Variants in RFX7 observed in about 807,000 individuals in gnomAD.
The protein encoded by RFX7 is regulatory factor X7.
Under a neutral mutation model 111.8 loss-of-function variants are expected in RFX7, and 26 were observed. That is an observed-to-expected ratio of 0.23 (90% confidence interval 0.17 to 0.32). The LOEUF (loss-of-function observed/expected upper bound fraction) is 0.32. RFX7 is among the 10% of genes least tolerant of loss of function. RFX7 has a pLI of 1.00. For synonymous variants in RFX7, 624 were observed against 624.4 expected (o/e 1.00, Z 0.01); for missense variants, 1,573 against 1,772.9 (o/e 0.89, Z 2.02).
intron 9 of RFX7, among the ~76,000 whole-genome samples, chr15:56,097,524 G>A (rs543064544): frequency 2.0e-5 from 3 of 152,102 alleles, no homozygotes; most frequent in Non-Finnish European, 4.4e-5. Flanking sequence ...AGGCCAAGGC[G>A]GGTGGATCAC....
At chr15:56,233,587 C>A (rs1323118967) in intron 2 of RFX7, among the ~76,000 whole-genome samples, 2 of 152,136 alleles carry the variant, frequency 1.3e-5, no homozygotes, top group African/African-American at 2.4e-5. Flanking sequence ...GAAACCAATG[C>A]TGCCAGACTG....
At chr15:56,109,966 G>T in intron 5 of RFX7, among the ~76,000 whole-genome samples, 1 of 145,326 alleles carries the variant, frequency 6.9e-6, no homozygotes. Flanking sequence ...AGGGAGGTGG[G>T]GGGATCAGCC....
chr15:56,097,478 T>G (rs1014945584), intron 9 of RFX7, among the ~76,000 whole-genome samples: 5 of 152,060 alleles, frequency 3.3e-5, no homozygotes, highest in South Asian at 2.1e-4. Flanking sequence ...CTTGGCTGGG[T>G]GGGGTGGCTC....
At chr15:56,119,808 C>T (rs1017838990) in intron 5 of RFX7, among the ~76,000 whole-genome samples, 3 of 149,014 alleles carry the variant, frequency 2.0e-5, no homozygotes, top group Admixed American at 1.3e-4. Flanking sequence ...AGAAAGAAAA[C>T]GAGTTCACTG....
chr15:56,196,785 C>T (rs1171370711), intron 2 of RFX7, among the ~76,000 whole-genome samples: 1 of 152,120 alleles, frequency 6.6e-6, no homozygotes, highest in African/African-American at 2.4e-5. Context: ...TATTCCATTG[C>T]TTTATTTATT....
At position 56,092,115 on chromosome 15, in the gene RFX7, T is replaced by G. The variant is rs1449441318; in HGVS notation, c.*1230A>C. 6.6e-6 allele frequency: 1 copy of G among 152,524 alleles called. No individual in the cohort carries two copies. Among genetic ancestry groups the G allele is most frequent in the Non-Finnish European group, 1.5e-5 (1 of 67,970 alleles). 9.4% of individuals were successfully genotyped at this position (152,524 alleles called of 1,614,324 possible). On this transcript the variant is annotated 3_prime_UTR_variant, in exon 10 of 10. Transcript: ENST00000559447. ...AATGGGAGCCATAGAGAGAAACATT[T>G]TAAAACAAATCCTGAGTTCTTCTTT...
At chr15:56,180,642 A>G (rs1326624272) in intron 2 of RFX7, among the ~76,000 whole-genome samples, 1 of 151,518 alleles carries the variant, frequency 6.6e-6, no homozygotes, top group Non-Finnish European at 1.5e-5. Flanking sequence ...GTGGTGGCTC[A>G]TGCCTGTAAT....
chr15:56,110,580 T>C (rs374559959), intron 5 of RFX7, among the ~76,000 whole-genome samples: 98 of 3,760 alleles, frequency 0.026, 15 homozygotes, highest in Admixed American at 0.077. Flanking sequence ...CCACCCCGTC[T>C]GGGAGGGAGG....
At chr15:56,132,171 G>C (rs117741866) in intron 5 of RFX7, among the ~76,000 whole-genome samples, 2 of 151,968 alleles carry the variant, frequency 1.3e-5, no homozygotes, top group East Asian at 1.9e-4. Context: ...CAGTTAATGT[G>C]TTTGAATCAA....
intron 3 of RFX7, among the ~76,000 whole-genome samples, chr15:56,155,417 C>T (rs543591909): frequency 4.3e-4 from 66 of 152,154 alleles, no homozygotes; most frequent in African/African-American, 1.6e-3. Flanking sequence ...ATATACACCA[C>T]GGAATACTAT....
intron 2 of RFX7, among the ~76,000 whole-genome samples, chr15:56,203,002 T>A (rs944990646): frequency 6.6e-6 from 1 of 152,146 alleles, no homozygotes; most frequent in African/African-American, 2.4e-5. Flanking sequence ...AGCAAAGTGA[T>A]CAGTATCTCA....
At chr15:56,176,747 A>C (rs2042907300) in intron 3 of RFX7, among the ~76,000 whole-genome samples, 1 of 152,110 alleles carries the variant, frequency 6.6e-6, no homozygotes, top group Admixed American at 6.6e-5. Flanking sequence ...TGAATCTATC[A>C]GCAAGCAAGG....
chr15:56,177,126 C>T (rs1008054752), intron 3 of RFX7, among the ~76,000 whole-genome samples: 1 of 152,048 alleles, frequency 6.6e-6, no homozygotes, highest in Admixed American at 6.6e-5. Context: ...CTTCAAATAC[C>T]GCAAACTCAT....
chr15:56,166,970 A>T (rs2042790397), intron 3 of RFX7, among the ~76,000 whole-genome samples: 1 of 152,222 alleles, frequency 6.6e-6, no homozygotes, highest in East Asian at 1.9e-4. Flanking sequence ...TATTTTGGGA[A>T]ACACTGGATT....
chr15:56,157,831 G>A (rs764584129), intron 3 of RFX7, among the ~76,000 whole-genome samples: 62 of 152,180 alleles, frequency 4.1e-4, no homozygotes, highest in Non-Finnish European at 6.9e-4. Flanking sequence ...TGCCCGCCTC[G>A]GCCTCCCAAA....
chr15:56,117,402 T>A (rs976855233), intron 5 of RFX7, among the ~76,000 whole-genome samples: 3 of 152,082 alleles, frequency 2.0e-5, no homozygotes, highest in Non-Finnish European at 4.4e-5. Context: ...AAACTAAGAA[T>A]TTCAAAAAAG....
At chr15:56,199,701 G>C (rs1847044751) in intron 2 of RFX7, among the ~76,000 whole-genome samples, 1 of 152,100 alleles carries the variant, frequency 6.6e-6, no homozygotes, top group South Asian at 2.1e-4. Flanking sequence ...CAAAAACATG[G>C]TCTTGACAGG....
chr15:56,175,632 T>A (rs2042895799), intron 3 of RFX7, among the ~76,000 whole-genome samples: 1 of 152,152 alleles, frequency 6.6e-6, no homozygotes, highest in Admixed American at 6.6e-5. Context: ...GGCAGACTTT[T>A]CAATAAATGG....
At chr15:56,119,064 G>C (rs2042043545) in intron 5 of RFX7, among the ~76,000 whole-genome samples, 1 of 151,900 alleles carries the variant, frequency 6.6e-6, no homozygotes, top group African/African-American at 2.4e-5. Context: ...AGAGTTGTTT[G>C]AGCTCCTTCT....
Sources: allele counts gnomAD v4.1 joint callset (sites outside exome capture counted in the v4.1 genomes callset), GRCh38; gene constraint gnomAD v4.1.1; transcripts MANE v1.5; gene names NCBI Gene and HGNC (gene_info 2026-07-23, HGNC 2026-07-21).